Variants in XPR1 observed in about 807,000 individuals in gnomAD.
XPR1 encodes solute carrier family 53 member 1.
Under a neutral mutation model 87.5 loss-of-function variants are expected in XPR1, and 28 were observed. That is an observed-to-expected ratio of 0.32 (90% CI 0.24 to 0.44). The LOEUF (loss-of-function observed/expected upper bound fraction) is 0.44, where lower values mean the gene tolerates loss of function less well. XPR1 is among the 20% of genes least tolerant of loss of function. The pLI, the probability that XPR1 is intolerant of heterozygous loss-of-function variation, is 1.00. For synonymous variants in XPR1, 300 were observed against 306.1 expected (o/e 0.98, Z 0.21); for missense variants, 559 against 862.3 (o/e 0.65, Z 4.41).
chr1:180,773,487 C>A lies in XPR1; in HGVS notation c.122-14266C>A, dbSNP rs527587443. Among the ~76,000 whole-genome samples, 22 of 152,310 alleles carry A rather than the reference C, an allele frequency of 1.4e-4. 1 individual carries two copies. The South Asian group carries it at 2.1e-3, about 14-fold the overall frequency. Reference sequence around the variant, plus strand: ...CTATTTTAAGCTAAATAATTATATTCCCTTTCCTTTCACAATGGAAAACCA... The same window carrying A: ...CTATTTTAAGCTAAATAATTATATTACCTTTCCTTTCACAATGGAAAACCA... On this transcript the variant is annotated intron_variant, in intron 2 of 14. Transcript: ENST00000367590.
chr1:180,831,594 T>C (rs1651069358), intron 9 of XPR1, among the ~76,000 whole-genome samples: 2 of 97,842 alleles, frequency 2.0e-5, no homozygotes, highest in South Asian at 3.8e-4. Context: ...CCCCTCCCCA[T>C]GTCCATATGT....
chr1:180,719,774 A>G (rs1378863506), intron 2 of XPR1, among the ~76,000 whole-genome samples: 1 of 152,204 alleles, frequency 6.6e-6, no homozygotes, highest in Non-Finnish European at 1.5e-5. Flanking sequence ...AATTAGCTGT[A>G]ATGTAGAGAA....
At chr1:180,812,009 C>G (rs1162498719) in intron 7 of XPR1, among the ~76,000 whole-genome samples, 1 of 152,120 alleles carries the variant, frequency 6.6e-6, no homozygotes, top group Non-Finnish European at 1.5e-5. Context: ...CAGCTGCACT[C>G]ACAACATCAA....
At chr1:180,749,090 A>C (rs1275184118) in intron 2 of XPR1, among the ~76,000 whole-genome samples, 1 of 152,174 alleles carries the variant, frequency 6.6e-6, no homozygotes, top group Non-Finnish European at 1.5e-5. Flanking sequence ...AGTCCCAGTT[A>C]CTCAAGAGGC....
intron 2 of XPR1, among the ~76,000 whole-genome samples, chr1:180,752,809 T>G (rs1647584671): frequency 6.6e-6 from 1 of 152,204 alleles, no homozygotes; most frequent in Non-Finnish European, 1.5e-5. Context: ...TTCTGGCCTG[T>G]CACTTGTGGC....
At chr1:180,821,565 CT>C (rs1432444421) in intron 7 of XPR1, among the ~76,000 whole-genome samples, 3 of 152,070 alleles carry the variant, frequency 2.0e-5, no homozygotes, top group Admixed American at 1.3e-4. Context: ...TAAGGATTGA[CT>C]TTTTCAGTTC....
chr1:180,815,827 A>G (rs939794539), intron 7 of XPR1, among the ~76,000 whole-genome samples: 1 of 152,138 alleles, frequency 6.6e-6, no homozygotes, highest in East Asian at 1.9e-4. Context: ...CATTGTTGCT[A>G]TCTCTTTGGA....
At chr1:180,727,321 T>C (rs1303471595) in intron 2 of XPR1, among the ~76,000 whole-genome samples, 5 of 152,074 alleles carry the variant, frequency 3.3e-5, no homozygotes, top group Non-Finnish European at 7.4e-5. Flanking sequence ...CAAGAAAGAA[T>C]GTGAGGCAAG....
chr1:180,716,821 T>C (rs538232714), intron 2 of XPR1, among the ~76,000 whole-genome samples: 1 of 152,330 alleles, frequency 6.6e-6, no homozygotes, highest in African/African-American at 2.4e-5. Context: ...AGGTATATTA[T>C]TCAGTTTTCT....
intron 2 of XPR1, among the ~76,000 whole-genome samples, chr1:180,741,330 A>T (rs181079890): frequency 6.6e-6 from 1 of 151,534 alleles, no homozygotes; most frequent in African/African-American, 2.4e-5. Flanking sequence ...CGCCGAGCTA[A>T]TTTTTTTGTA....
chr1:180,785,394 G>A (rs1278276665), intron 2 of XPR1, among the ~76,000 whole-genome samples: 1 of 152,054 alleles, frequency 6.6e-6, no homozygotes, highest in East Asian at 1.9e-4. Context: ...CTGACCTCAG[G>A]TGATCCCTCT....
At chr1:180,735,624 C>T (rs1361314661) in intron 2 of XPR1, among the ~76,000 whole-genome samples, 1 of 151,808 alleles carries the variant, frequency 6.6e-6, no homozygotes, top group Non-Finnish European at 1.5e-5. Context: ...TTAACTATTC[C>T]CTTCATCTAC....
chr1:180,815,612 C>T (rs951195390), intron 7 of XPR1, among the ~76,000 whole-genome samples: 2 of 151,894 alleles, frequency 1.3e-5, no homozygotes, highest in Admixed American at 6.6e-5. Flanking sequence ...CTGAAAATCA[C>T]GTGTTTCAGA....
At chr1:180,831,381 TGATAACATGGGTGAATTTC>T (rs1651059729) in intron 9 of XPR1, among the ~76,000 whole-genome samples, 3 of 146,704 alleles carry the variant, frequency 2.0e-5, no homozygotes, top group African/African-American at 2.5e-5. Flanking sequence ...TTTTTTTTTT[TGATAACATGGGTGAATTTC>T]TTTTTTTTAT....
At chr1:180,726,809 T>C (rs1431115122) in intron 2 of XPR1, among the ~76,000 whole-genome samples, 1 of 152,224 alleles carries the variant, frequency 6.6e-6, no homozygotes, top group African/African-American at 2.4e-5. Context: ...GAGTCATTTA[T>C]GTTAACATGT....
chr1:180,723,392 G>C (rs946617081), intron 2 of XPR1, among the ~76,000 whole-genome samples: 1 of 152,052 alleles, frequency 6.6e-6, no homozygotes, highest in African/African-American at 2.4e-5. Context: ...TATTATACCA[G>C]GGCCTTTTTT....
chr1:180,810,837 A>G (rs1231205155), intron 6 of XPR1, among the ~76,000 whole-genome samples: 1 of 151,728 alleles, frequency 6.6e-6, no homozygotes, highest in East Asian at 1.9e-4. Flanking sequence ...ATGTGTGTAT[A>G]TATATAGTCG....
chr1:180,840,451 G>T (rs913395191), intron 11 of XPR1, among the ~76,000 whole-genome samples: 2 of 151,368 alleles, frequency 1.3e-5, no homozygotes, highest in Non-Finnish European at 2.9e-5. Flanking sequence ...TATTTGGGGT[G>T]GCATACTCTG....
rs148273487 is a variant in XPR1, at chr1:180,642,622, C to A, written c.69+10352C>A. ...GCTAGGGAGTGTTAGAACCAGAATT[C>A]AGACACAGGTATGACACAGATATTT... On this transcript the variant is annotated intron_variant, in intron 1 of 14. Transcript: ENST00000367590. Among the ~76,000 whole-genome samples the A allele has an allele frequency of 2.9e-3, 442 of 152,146 alleles. 3 individuals are homozygous for A. Among genetic ancestry groups the A allele is most frequent in the African/African-American group, 9.6e-3 (400 of 41,514 alleles).
Sources: gnomAD v4.1 joint callset for allele counts (sites outside exome capture counted in the v4.1 genomes callset) on GRCh38, gnomAD v4.1.1 for gene constraint, MANE v1.5 for transcripts, NCBI Gene and HGNC (gene_info 2026-07-23, HGNC 2026-07-21) for gene names.